The following MRPS27 variants were observed in gnomAD, a reference collection of about 807,000 sequenced individuals.
MRPS27 encodes mitochondrial ribosomal protein S27.
A neutral mutation model predicts 48.9 loss-of-function variants in MRPS27; 43 were observed. That is an observed-to-expected ratio of 0.88 (90% CI 0.69 to 1.13). The LOEUF (loss-of-function observed/expected upper bound fraction) is 1.13, where lower values mean the gene tolerates loss of function less well. Ranked by LOEUF, MRPS27 falls within the 50% of genes most tolerant of loss-of-function variation. The probability of loss-of-function intolerance (pLI) is 0.00; values close to 1 mark genes in which losing one functional copy is unlikely to be tolerated. For synonymous variants in MRPS27, 188 were observed against 171.9 expected, an observed-to-expected ratio of 1.09 and a Z score of -0.73; for missense variants, 467 against 476.3, an observed-to-expected ratio of 0.98 and a Z score of 0.18.
At chr5:72,221,478 C>T (rs548747791) in intron 10 of MRPS27, among the ~76,000 whole-genome samples, 360 of 152,270 alleles carry the variant, frequency 2.4e-3, no homozygotes, top group African/African-American at 7.5e-3. Flanking sequence ...GTAAATGGAA[C>T]TCCATATGCT....
intron 4 of MRPS27, chr5:72,294,630 AT>A (rs1385446563): frequency 6.6e-6 from 1 of 152,214 alleles, no homozygotes; most frequent in Non-Finnish European, 1.5e-5. Flanking sequence ...TGCACTGAAC[AT>A]ACTTTTTGTA....
At chr5:72,231,033 C>T (rs906684544) in intron 7 of MRPS27, among the ~76,000 whole-genome samples, 8 of 152,264 alleles carry the variant, frequency 5.3e-5, no homozygotes, top group African/African-American at 1.9e-4. Context: ...AGCTTATCCA[C>T]AGTACAGCCA....
In MRPS27 at chr5:72,223,694, C is replaced by A; in HGVS notation, c.994G>T (p.Glu332Ter). 6.2e-7 allele frequency: 1 copy of A among 1,613,882 alleles called. No individual in the cohort carries two copies. The highest frequency in any genetic ancestry group is 1.3e-5 in the African/African-American group (1 of 74,988). Residue 332 changes from glutamate to a stop codon, truncating the protein, a stop_gained, in exon 10 of 11, where the codon GAA (glutamate) becomes TAA (stop). Transcript: ENST00000261413. LOFTEE classifies it low-confidence loss of function (END_TRUNC). ...CTGCTATGATTCACCTTAAATCGTT[C>A]CAGGTATTGAGGAAGCTTGGACTGC... is the stretch of plus-strand genomic sequence containing the variant. Reference protein sequence around the residue: ...TEQSKLPQYLERFKALHSKLQ... With the variant: ...TEQSKLPQYL
intron 4 of MRPS27, among the ~76,000 whole-genome samples, chr5:72,240,644 C>A (rs567330062): frequency 2.0e-5 from 3 of 152,064 alleles, no homozygotes; most frequent in Non-Finnish European, 4.4e-5. Flanking sequence ...GATCAGCAGA[C>A]CACTTTTAGG....
chr5:72,255,252 T>C (rs1449260911), intron 4 of MRPS27, among the ~76,000 whole-genome samples: 2 of 152,006 alleles, frequency 1.3e-5, no homozygotes, highest in Admixed American at 6.6e-5. Flanking sequence ...GGTTTCTCCA[T>C]GATGGCCAGG....
intron 4 of MRPS27, among the ~76,000 whole-genome samples, chr5:72,250,447 A>C (rs1748635355): frequency 6.6e-6 from 1 of 152,210 alleles, no homozygotes; most frequent in Non-Finnish European, 1.5e-5. Context: ...GCAGAAGAGT[A>C]GGGAAAGAAG....
rs557858654 is a variant in MRPS27 at position 72,305,448 on chromosome 5, TG to T, written c.152-7747del. ...TCTCAGCTAAAATGGAAGAAGTGTC[TG>T]TAAGAGACAGACCTGAATGCAAATG... On this transcript the variant is annotated intron_variant, in intron 2 of 10. Transcript: ENST00000261413. Among the ~76,000 whole-genome samples the T allele has an allele frequency of 2.4e-3, 367 of 152,196 alleles. 1 individual carries two copies. The highest frequency in any genetic ancestry group is 3.7e-3 in the Non-Finnish European group (250 of 68,032).
intron 1 of MRPS27, among the ~76,000 whole-genome samples, chr5:72,319,537 C>CTTTTTTTTTTTTTTTTTTTTTTTTTTT (rs35020848): frequency 1.2e-5 from 1 of 84,204 alleles, no homozygotes; most frequent in Non-Finnish European, 2.2e-5. Context: ...TAGGTTTTTC[C>CTTTTTTTTTTTTTTTTTTTTTTTTTTT]TTTTTTTTTT....
rs775250314 is a variant in MRPS27 at position 72,219,964 on chromosome 5, C to T, written c.*945G>A. ...TAGCTTTCTCCTCAGAAACTTACAT[C>T]CTAAAAACATCCCTATGGGTGCCTA... On this transcript the variant is annotated 3_prime_UTR_variant, in exon 11 of 11. Transcript: ENST00000261413. 15 of 152,798 alleles carry T rather than the reference C, an allele frequency of 9.8e-5. No homozygotes were observed. The highest frequency in any genetic ancestry group is 2.4e-4 in the African/African-American group (10 of 41,588). 9.5% of individuals were successfully genotyped at this position (152,798 alleles called of 1,614,324 possible).
chr5:72,245,209 ATGACTGAGAGGCAGTTAC>A (rs1219362710), intron 4 of MRPS27, among the ~76,000 whole-genome samples: 1 of 152,200 alleles, frequency 6.6e-6, no homozygotes, highest in African/African-American at 2.4e-5. Context: ...GGTCAGCTTC[ATGACTGAGAGGCAGTTAC>A]TGAAGGCCAA....
At chr5:72,244,679 A>G (rs182253391) in intron 4 of MRPS27, among the ~76,000 whole-genome samples, 18 of 139,696 alleles carry the variant, frequency 1.3e-4, no homozygotes, top group African/African-American at 5.9e-4. Context: ...TTTAATTCCA[A>G]TTTTTTTTTG....
chr5:72,228,837 C>T (rs934362266), intron 7 of MRPS27: 5 of 152,706 alleles, frequency 3.3e-5, no homozygotes, highest in African/African-American at 1.2e-4. Context: ...GATAAGACTC[C>T]TTCAGAGTGT....
At chr5:72,283,403 C>T (rs1199086848) in intron 4 of MRPS27, among the ~76,000 whole-genome samples, 1 of 152,120 alleles carries the variant, frequency 6.6e-6, no homozygotes, top group Non-Finnish European at 1.5e-5. Context: ...AAAAAACTGA[C>T]ACAAAGAGAT....
intron 4 of MRPS27, among the ~76,000 whole-genome samples, chr5:72,281,525 T>C (rs1307520797): frequency 6.6e-6 from 1 of 152,144 alleles, no homozygotes; most frequent in Non-Finnish European, 1.5e-5. Context: ...GTCAGAGAGA[T>C]CACATTCAAC....
Position 72,278,208 on chromosome 5 carries a change from C to T in MRPS27, c.281+17323G>A, listed in dbSNP as rs186403444. On this transcript the variant is annotated intron_variant, in intron 4 of 10. Coordinates refer to ENST00000261413, the MANE Select transcript of MRPS27 (RefSeq NM_015084.3). ...CTGTAATCCCAGCACTTTGGGAGGC[C>T]GAGGCGGGCGGATCACGAGGTCAGG... 3.7e-3 allele frequency among the ~76,000 whole-genome samples: 569 copies of T among 152,034 alleles called. 1 individual carries two copies. The highest frequency in any genetic ancestry group is 0.013 in the African/African-American group (551 of 41,482).
intron 4 of MRPS27, among the ~76,000 whole-genome samples, chr5:72,262,712 T>TG (rs1353585681): frequency 1.3e-5 from 2 of 152,132 alleles, no homozygotes; most frequent in Non-Finnish European, 2.9e-5. Context: ...GAATGTATAC[T>TG]GTGAAACTTC....
chr5:72,309,503 C>A (rs1198813422), intron 2 of MRPS27, among the ~76,000 whole-genome samples: 2 of 152,126 alleles, frequency 1.3e-5, no homozygotes, highest in African/African-American at 2.4e-5. Context: ...ACTTGATCTG[C>A]CTACCTCAGC....
intron 4 of MRPS27, among the ~76,000 whole-genome samples, chr5:72,285,774 C>T (rs2112042157): frequency 6.6e-6 from 1 of 152,356 alleles, no homozygotes; most frequent in Non-Finnish European, 1.5e-5. Flanking sequence ...ATCTTTCCAC[C>T]TCAGTCAACC....
chr5:72,315,386 G>A (rs1221894993), intron 1 of MRPS27, among the ~76,000 whole-genome samples: 4 of 151,808 alleles, frequency 2.6e-5, no homozygotes, highest in South Asian at 2.1e-4. Flanking sequence ...GTGAAACCCC[G>A]TTTCTACAAA....
Sources: allele counts gnomAD v4.1 joint callset (sites outside exome capture counted in the v4.1 genomes callset), GRCh38; gene constraint gnomAD v4.1.1; transcripts MANE v1.5; gene names NCBI Gene and HGNC (gene_info 2026-07-23, HGNC 2026-07-21).